The following MYLK4 variants were observed in gnomAD, a reference collection of about 807,000 sequenced individuals.
MYLK4 encodes myosin light chain kinase family member 4.
In MYLK4, 46 loss-of-function variants were observed where a neutral mutation model predicts 48.1. That is an observed-to-expected ratio of 0.96 (90% CI 0.75 to 1.22). The LOEUF is 1.22. MYLK4 is among the 50% of genes most tolerant of loss of function. The pLI is 0.00. For synonymous variants in MYLK4, 170 were observed against 180.8 expected (o/e 0.94, Z 0.48); for missense variants, 451 against 486.1 (o/e 0.93, Z 0.68).
the MYLK4 span, chr6:2,766,032 A>G: frequency 7.6e-7 from 1 of 1,315,190 alleles, no homozygotes; most frequent in Non-Finnish European, 9.7e-7. Context: ...CCCGGGAGGA[A>G]GGGGTCGGGG....
chr6:2,689,067 G>A, intron 3 of MYLK4, 111 bp from the exon 4 acceptor site: 1 of 788,514 alleles, frequency 1.3e-6, no homozygotes, highest in East Asian at 2.5e-5. Context: ...AAAATACAAG[G>A]AGCCATCTGT....
rs541735611 is a variant in MYLK4, at chr6:2,732,461, C to G, written c.159+16675G>C. 7.2e-5 allele frequency among the ~76,000 whole-genome samples: 11 copies of G among 152,294 alleles called. No individual in the cohort carries two copies. The South Asian group carries it at 2.3e-3, about 32-fold the overall frequency. ...TGGATACCTGAGCACTCAGGAAGCA[C>G]TCAGTAAATCCTCTCAACTTAGCCA... On this transcript the variant is annotated intron_variant, in intron 2 of 12. Coordinates refer to ENST00000274643, the MANE Select transcript of MYLK4 (RefSeq NM_001012418.5).
chr6:2,678,324 C>A lies in MYLK4; in HGVS notation c.936G>T (p.Leu312=). 1 of 1,614,048 alleles carries A rather than the reference C, an allele frequency of 6.2e-7. No individual in the cohort carries two copies. Among genetic ancestry groups the A allele is most frequent in the South Asian group, 1.1e-5 (1 of 91,060 alleles). ...PFLGDNDAET[L]NNILACRWDL... ...CCCACCTGCAGGCCAGGATGTTGTT[C>A]AGCGTCTCAGCATCATTGTCACCCA... The change falls in exon 10 of 13, where the codon CTG becomes CTT. Residue 312 remains leucine, a synonymous_variant. Transcript: ENST00000274643.
chr6:2,718,202 G>T (rs949837291), intron 2 of MYLK4, among the ~76,000 whole-genome samples: 3 of 140,700 alleles, frequency 2.1e-5, no homozygotes, highest in Non-Finnish European at 1.6e-5. Context: ...AAAAAAAAAA[G>T]AAAAAGAGAA....
At chr6:2,712,703 G>A (rs1194212640) in intron 2 of MYLK4, among the ~76,000 whole-genome samples, 1 of 152,210 alleles carries the variant, frequency 6.6e-6, no homozygotes, top group Non-Finnish European at 1.5e-5. Context: ...TCTCTTCACA[G>A]AGCCAGACGG....
At chr6:2,725,585 G>GAGAA (rs372499443) in intron 2 of MYLK4, among the ~76,000 whole-genome samples, 9 of 101,856 alleles carry the variant, frequency 8.8e-5, no homozygotes, top group South Asian at 2.9e-4. Flanking sequence ...GAAAAAGAAA[G>GAGAA]AGAAAGAAAG....
At chr6:2,766,008 C>G in the MYLK4 span, 1 of 1,352,108 alleles carries the variant, frequency 7.4e-7, no homozygotes, top group Non-Finnish European at 9.5e-7. Flanking sequence ...TTCCCGGTGG[C>G]CCGCTCCAGC....
At chr6:2,699,827 A>T (rs1741411416) in intron 2 of MYLK4, among the ~76,000 whole-genome samples, 1 of 152,168 alleles carries the variant, frequency 6.6e-6, no homozygotes, top group Non-Finnish European at 1.5e-5. Flanking sequence ...GAACTGTAAG[A>T]TGGGGTGGCC....
At chr6:2,668,556 T>C (rs115680383) in intron 12 of MYLK4, among the ~76,000 whole-genome samples, 3 of 152,204 alleles carry the variant, frequency 2.0e-5, no homozygotes, top group Non-Finnish European at 4.4e-5. Context: ...GGCCTGGAAC[T>C]CTTTCTTTTA....
the MYLK4 span, chr6:2,766,497 A>G: frequency 2.1e-5 from 31 of 1,449,734 alleles, no homozygotes; most frequent in Admixed American, 6.5e-4. Flanking sequence ...CGGTGGATGC[A>G]GCTGATGGTC....
rs56959282 is a variant in MYLK4, at chr6:2,699,287, C to CTTTTTTTTTTTTTTTTTTTTTTT, written c.160-6429_160-6428insAAAAAAAAAAAAAAAAAAAAAAA. Among the ~76,000 whole-genome samples, 165 of 77,890 alleles carry CTTTTTTTTTTTTTTTTTTTTTTT rather than the reference C, an allele frequency of 2.1e-3. 25 individuals are homozygous for CTTTTTTTTTTTTTTTTTTTTTTT. The highest frequency in any genetic ancestry group is 7.4e-3 in the East Asian group (15 of 2,032). 51.1% of individuals were successfully genotyped at this position (77,890 alleles called of 152,430 possible). A position where few individuals can be genotyped will look rare whatever the true frequency, so the allele number is the denominator to read the frequency against. On this transcript the variant is annotated intron_variant, in intron 2 of 12. Transcript: ENST00000274643. Reference sequence around the variant, plus strand: ...CATGCTACCACTTTTCTTTTCTTTTCTTTTTTTTTTTTTTTTTTTTTTGAT... The same window carrying CTTTTTTTTTTTTTTTTTTTTTTT: ...CATGCTACCACTTTTCTTTTCTTTTCTTTTTTTTTTTTTTTTTTTTTTTTTTTTTTTTTTTTTTTTTTTTTGAT...
intron 6 of MYLK4, among the ~76,000 whole-genome samples, chr6:2,684,279 G>A (rs559175374): frequency 4.1e-4 from 62 of 152,254 alleles, no homozygotes; most frequent in Admixed American, 3.0e-3. Context: ...GATGATTCAC[G>A]TCCTGGGTGG....
intron 2 of MYLK4, among the ~76,000 whole-genome samples, chr6:2,694,548 G>GTAATGA (rs1761970265): frequency 2.5e-4 from 3 of 12,132 alleles, no homozygotes; most frequent in Non-Finnish European, 2.0e-4. Context: ...GTTGGTTGTG[G>GTAATGA]TGGTAGTCGT....
chr6:2,688,899 C>G lies in MYLK4; in HGVS notation c.293G>C (p.Gly98Ala). 1.2e-6 allele frequency: 2 copies of G among 1,614,192 alleles called. No homozygotes were observed. Among genetic ancestry groups the G allele is most frequent in the African/African-American group, 1.3e-5 (1 of 75,050 alleles). ...CACAGTATAGAAGCTGTTGACCGCT[C>G]CTTGCTTGGCTGTCACAATACGATG... ...FDHRIVTAKQGAVNSFYTVSK... is the reference protein window; with the variant it reads ...FDHRIVTAKQAAVNSFYTVSK... Residue 98 changes from glycine (G) to alanine (A), a missense_variant, in exon 4 of 13, where the codon GGA becomes GCA. By Grantham distance (60) the Gly-to-Ala change is moderately conservative (BLOSUM62 0). Coordinates refer to ENST00000274643, the MANE Select transcript of MYLK4 (RefSeq NM_001012418.5).
intron 2 of MYLK4, among the ~76,000 whole-genome samples, chr6:2,693,458 G>C (rs775973086): frequency 6.6e-6 from 1 of 152,182 alleles, no homozygotes; most frequent in Non-Finnish European, 1.5e-5. Context: ...ACAGTGCTTA[G>C]AACAGATGGC....
At chr6:2,769,012 T>C in the MYLK4 span, 1 of 831,284 alleles carries the variant, frequency 1.2e-6, no homozygotes, top group Non-Finnish European at 1.8e-6. Context: ...TGAACCCATC[T>C]CCTTCAAGCC....
chr6:2,691,143 C>G (rs1761782008), intron 3 of MYLK4, among the ~76,000 whole-genome samples: 1 of 152,150 alleles, frequency 6.6e-6, no homozygotes, highest in Non-Finnish European at 1.5e-5. Context: ...CTCTCTGAAT[C>G]TTAACGGCAG....
At position 2,666,611 on chromosome 6, in the gene MYLK4, G is replaced by A. The variant is rs1760664298; in HGVS notation, c.*1314C>T. 6.6e-6 allele frequency: 1 copy of A among 152,224 alleles called. No homozygotes were observed. Among genetic ancestry groups the A allele is most frequent in the Non-Finnish European group, 1.5e-5 (1 of 68,028 alleles). 9.4% of individuals were successfully genotyped at this position (152,224 alleles called of 1,614,324 possible). A position where few individuals can be genotyped will look rare whatever the true frequency, so the allele number is the denominator to read the frequency against. On this transcript the variant is annotated 3_prime_UTR_variant, in exon 13 of 13. Coordinates refer to ENST00000274643, the MANE Select transcript of MYLK4 (RefSeq NM_001012418.5). ...AAATGGAAAATGTGAGAAAGCTCATGAATCTGGTTGGTGAGCTTGGAGTTC... is the reference window on the plus strand; with the variant it reads ...AAATGGAAAATGTGAGAAAGCTCATAAATCTGGTTGGTGAGCTTGGAGTTC...
At chr6:2,727,292 C>T (rs1267615461) in intron 2 of MYLK4, among the ~76,000 whole-genome samples, 1 of 152,122 alleles carries the variant, frequency 6.6e-6, no homozygotes, top group Non-Finnish European at 1.5e-5. Flanking sequence ...AGATTCTGCC[C>T]ACAAGGAAAG....
Sources: gnomAD v4.1 joint callset for allele counts (sites outside exome capture counted in the v4.1 genomes callset) on GRCh38, gnomAD v4.1.1 for gene constraint, MANE v1.5 for transcripts, NCBI Gene and HGNC (gene_info 2026-07-23, HGNC 2026-07-21) for gene names.